The following TBL1XR1 variants were observed in gnomAD, a reference collection of about 807,000 sequenced individuals.
TBL1XR1 encodes TBL1X/Y related 1.
TBL1XR1 carries 5 observed loss-of-function variants against 66.9 expected under a neutral mutation model. That is an observed-to-expected ratio of 0.07 (90% CI 0.04 to 0.16). The LOEUF is 0.16. TBL1XR1 is among the 10% of genes least tolerant of loss of function. TBL1XR1 has a pLI of 1.00. For missense variants in TBL1XR1, 238 were observed against 623.2 expected (o/e 0.38, Z 6.58); for synonymous variants, 210 against 206.0 (o/e 1.02, Z -0.17).
At chr3:177,101,795 T>C (rs1402208770) in intron 1 of TBL1XR1, among the ~76,000 whole-genome samples, 4 of 152,168 alleles carry the variant, frequency 2.6e-5, no homozygotes, top group Non-Finnish European at 5.9e-5. Flanking sequence ...GCTGAAATAA[T>C]AGCAATTCCA....
intron 1 of TBL1XR1, among the ~76,000 whole-genome samples, chr3:177,162,974 G>T (rs1046836861): frequency 6.6e-6 from 1 of 152,218 alleles, no homozygotes; most frequent in South Asian, 2.1e-4. Flanking sequence ...CCTCTGTGAA[G>T]TCAGTCTGGC....
At chr3:177,064,567 G>A (rs1361052136) in intron 3 of TBL1XR1, among the ~76,000 whole-genome samples, 1 of 152,100 alleles carries the variant, frequency 6.6e-6, no homozygotes, top group Non-Finnish European at 1.5e-5. Flanking sequence ...ACTACAATTA[G>A]GACCAACAAC....
chr3:177,108,971 T>C (rs1482727282), intron 1 of TBL1XR1, among the ~76,000 whole-genome samples: 1 of 152,152 alleles, frequency 6.6e-6, no homozygotes, highest in Non-Finnish European at 1.5e-5. Context: ...AAAATGAGCT[T>C]GCATTTTAGC....
At chr3:177,040,603 C>T (rs1577000323) in intron 10 of TBL1XR1, among the ~76,000 whole-genome samples, 1 of 150,838 alleles carries the variant, frequency 6.6e-6, no homozygotes, top group African/African-American at 2.4e-5. Flanking sequence ...ATTTAGGACT[C>T]AGAAAGGAAA....
intron 1 of TBL1XR1, among the ~76,000 whole-genome samples, chr3:177,159,137 C>A (rs1195771697): frequency 6.6e-6 from 1 of 151,736 alleles, no homozygotes; most frequent in Non-Finnish European, 1.5e-5. Context: ...TGGAACTCAG[C>A]TGGATTTTCT....
chr3:177,069,798 AAGGAAGGAAGGAAGGAAGGAAGGAAGG>A (rs1252084349), intron 2 of TBL1XR1, among the ~76,000 whole-genome samples: 1 of 65,050 alleles, frequency 1.5e-5, no homozygotes, highest in African/African-American at 6.0e-5. Context: ...GAAGGAAAGG[AAGGAAGGAAGGAAGGAAGGAAGGAAGG>A]AAGGAAGGAA....
intron 1 of TBL1XR1, among the ~76,000 whole-genome samples, chr3:177,102,904 A>C (rs956212062): frequency 1.3e-5 from 2 of 152,210 alleles, no homozygotes; most frequent in African/African-American, 4.8e-5. Context: ...ATAGTGCCTT[A>C]TTCTTCTATC....
At chr3:177,123,804 A>G (rs1418852826) in intron 1 of TBL1XR1, among the ~76,000 whole-genome samples, 1 of 25,940 alleles carries the variant, frequency 3.9e-5, no homozygotes, top group Non-Finnish European at 7.7e-5. Flanking sequence ...TGAACAATCT[A>G]CTCAAGTGGA....
intron 4 of TBL1XR1, 66 bp downstream of exon 4, chr3:177,053,707 A>G: frequency 1.4e-6 from 2 of 1,462,372 alleles, no homozygotes; most frequent in African/African-American, 1.4e-5. Flanking sequence ...ATAAGCAAGC[A>G]AGACAGCTGA....
rs1560188674 is a variant in TBL1XR1, at chr3:177,112,098, T to TAC, written c.-121-13558_-121-13557insGT. Among the ~76,000 whole-genome samples, 192 of 53,770 alleles carry TAC rather than the reference T, an allele frequency of 3.6e-3. 6 individuals are homozygous for TAC. Among genetic ancestry groups the TAC allele is most frequent in the African/African-American group, 0.023 (182 of 7,838 alleles). 35.3% of individuals were successfully genotyped at this position (53,770 alleles called of 152,430 possible). A position where few individuals can be genotyped will look rare whatever the true frequency, so the allele number is the denominator to read the frequency against. ...AAATATATATATATATATATATATATATATATATATTTTTTTTTTTTTTTT... is the reference window on the plus strand; with the variant it reads ...AAATATATATATATATATATATATATACATATATATATTTTTTTTTTTTTTTT... On this transcript the variant is annotated intron_variant, in intron 1 of 15. Coordinates refer to ENST00000457928, the MANE Select transcript of TBL1XR1 (RefSeq NM_024665.7).
At chr3:177,171,578 CTGT>C (rs1733504885) in intron 1 of TBL1XR1, among the ~76,000 whole-genome samples, 2 of 151,466 alleles carry the variant, frequency 1.3e-5, no homozygotes, top group Non-Finnish European at 2.9e-5. Flanking sequence ...TGGCGGGCGC[CTGT>C]AGTCCCAGCT....
intron 1 of TBL1XR1, among the ~76,000 whole-genome samples, chr3:177,107,558 G>A (rs1373341387): frequency 6.6e-6 from 1 of 152,010 alleles, no homozygotes; most frequent in African/African-American, 2.4e-5. Flanking sequence ...ATCCGGTGTT[G>A]GTTTGCCAAA....
intron 1 of TBL1XR1, among the ~76,000 whole-genome samples, chr3:177,177,219 A>G (rs1020021061): frequency 6.6e-6 from 1 of 152,152 alleles, no homozygotes; most frequent in South Asian, 2.1e-4. Context: ...TGGGAGTCCA[A>G]AGCAGGCGGA....
intron 3 of TBL1XR1, among the ~76,000 whole-genome samples, chr3:177,054,248 T>A (rs945932510): frequency 6.6e-6 from 1 of 152,118 alleles, no homozygotes. Context: ...GTAAAACAAG[T>A]CTTTGGAAAT....
At chr3:177,122,180 A>G (rs1727049559) in intron 1 of TBL1XR1, among the ~76,000 whole-genome samples, 1 of 151,984 alleles carries the variant, frequency 6.6e-6, no homozygotes, top group Non-Finnish European at 1.5e-5. Flanking sequence ...AAATTTACTT[A>G]TTACTTAAGA....
intron 1 of TBL1XR1, among the ~76,000 whole-genome samples, chr3:177,188,028 C>A (rs929392569): frequency 1.4e-4 from 20 of 143,300 alleles, no homozygotes; most frequent in South Asian, 4.4e-4. Context: ...CAGCTCATGG[C>A]AACCTCCACC....
intron 1 of TBL1XR1, among the ~76,000 whole-genome samples, chr3:177,149,504 T>C (rs560598186): frequency 6.6e-6 from 1 of 152,356 alleles, no homozygotes; most frequent in African/African-American, 2.4e-5. Flanking sequence ...AATTTACTAA[T>C]AGGCCACCTA....
intron 10 of TBL1XR1, among the ~76,000 whole-genome samples, chr3:177,039,344 T>C (rs1473854726): frequency 6.6e-6 from 1 of 152,174 alleles, no homozygotes; most frequent in Non-Finnish European, 1.5e-5. Flanking sequence ...ACTCTGTCAA[T>C]TACAAGAGTT....
At position 177,120,143 on chromosome 3, in the gene TBL1XR1, T is replaced by C. The variant is rs572555768; in HGVS notation, c.-121-21602A>G. On this transcript the variant is annotated intron_variant, in intron 1 of 15. Coordinates refer to ENST00000457928, the MANE Select transcript of TBL1XR1 (RefSeq NM_024665.7). ...CTTAACTTCTCATTACTTTCCAACA[T>C]GCACTCCTCCCTGTGATAGTATAGG... 1.3e-3 allele frequency among the ~76,000 whole-genome samples: 198 copies of C among 152,244 alleles called. 10 individuals carry two copies. The South Asian group carries it at 0.039, about 30-fold the overall frequency.
Sources: gnomAD v4.1 joint callset for allele counts (sites outside exome capture counted in the v4.1 genomes callset) on GRCh38, gnomAD v4.1.1 for gene constraint, MANE v1.5 for transcripts, NCBI Gene and HGNC (gene_info 2026-07-23, HGNC 2026-07-21) for gene names.